The following FAT3 variants were observed in gnomAD, a reference collection of about 807,000 sequenced individuals.
The protein encoded by FAT3 is protocadherin Fat 3.
Under a neutral mutation model 310.2 loss-of-function variants are expected in FAT3, and 95 were observed. The ratio of observed to expected loss-of-function variants is 0.31; its 90% confidence interval spans 0.26 to 0.36. The LOEUF (loss-of-function observed/expected upper bound fraction) is 0.36. FAT3 is among the 10% of genes least tolerant of loss of function. FAT3 has a pLI of 1.00. For missense variants in FAT3, 5,408 were observed against 5,715.6 expected, an observed-to-expected ratio of 0.95 and a Z score of 1.74; for synonymous variants, 2,314 against 2,192.9, an observed-to-expected ratio of 1.06 and a Z score of -1.54.
chr11:92,586,368 G>C (rs1939158129), intron 3 of FAT3, among the ~76,000 whole-genome samples: 1 of 151,956 alleles, frequency 6.6e-6, no homozygotes, highest in Non-Finnish European at 1.5e-5. Flanking sequence ...GAAAGTCAAA[G>C]AGGACTGAAG....
chr11:92,697,220 T>C (rs2065240589), intron 3 of FAT3, among the ~76,000 whole-genome samples, 164 bp from the exon 4 acceptor site: 1 of 152,220 alleles, frequency 6.6e-6, no homozygotes, highest in South Asian at 2.1e-4. Context: ...AAATTTTACT[T>C]TCTTTTAAGA....
chr11:92,588,475 C>T (rs1229615851), intron 3 of FAT3, among the ~76,000 whole-genome samples: 2 of 151,964 alleles, frequency 1.3e-5, no homozygotes, highest in South Asian at 4.1e-4. Flanking sequence ...GATTTTACTT[C>T]TTGAGTGATT....
At chr11:92,603,826 C>T (rs932466836) in intron 3 of FAT3, among the ~76,000 whole-genome samples, 6 of 152,166 alleles carry the variant, frequency 3.9e-5, no homozygotes, top group Non-Finnish European at 5.9e-5. Flanking sequence ...TTTTAAAATA[C>T]GTTCTTCTTC....
At chr11:92,255,362 A>C (rs1288748062) in intron 1 of FAT3, among the ~76,000 whole-genome samples, 2 of 150,724 alleles carry the variant, frequency 1.3e-5, no homozygotes, top group Admixed American at 6.6e-5. Flanking sequence ...AAAAGGAAAA[A>C]CTCTCAGTAG....
At chr11:92,285,669 GA>G (rs1311646261) in intron 1 of FAT3, among the ~76,000 whole-genome samples, 5 of 152,074 alleles carry the variant, frequency 3.3e-5, no homozygotes, top group African/African-American at 1.2e-4. Context: ...TTATGCTTAG[GA>G]AAAAACAGTT....
intron 9 of FAT3, among the ~76,000 whole-genome samples, chr11:92,796,768 C>T (rs1947185245): frequency 3.3e-5 from 5 of 152,214 alleles, no homozygotes; most frequent in Admixed American, 3.3e-4. Context: ...TCTGTCACCA[C>T]CTACCTTCTT....
intron 2 of FAT3, among the ~76,000 whole-genome samples, chr11:92,439,000 T>C (rs1474711983): frequency 6.6e-6 from 1 of 152,228 alleles, no homozygotes; most frequent in African/African-American, 2.4e-5. Context: ...ACAGATCTGG[T>C]TAAGGTTACA....
chr11:92,275,337 T>C (rs1319218758), intron 1 of FAT3, among the ~76,000 whole-genome samples: 1 of 152,104 alleles, frequency 6.6e-6, no homozygotes, highest in Non-Finnish European at 1.5e-5. Context: ...ACCTTTACCA[T>C]ATGAAATCCA....
intron 4 of FAT3, among the ~76,000 whole-genome samples, chr11:92,727,302 A>G (rs1247809865): frequency 6.6e-6 from 1 of 152,192 alleles, no homozygotes; most frequent in Non-Finnish European, 1.5e-5. Flanking sequence ...AAGTGCCAAG[A>G]GTCACTAGTT....
chr11:92,803,161 C>T (rs1326878841), intron 10 of FAT3, among the ~76,000 whole-genome samples: 2 of 151,964 alleles, frequency 1.3e-5, no homozygotes, highest in African/African-American at 4.8e-5. Flanking sequence ...TCTGAAGGGT[C>T]CTTTTCTATT....
intron 12 of FAT3, among the ~76,000 whole-genome samples, chr11:92,809,305 G>A (rs536046772): frequency 2.2e-4 from 34 of 152,284 alleles, no homozygotes; most frequent in Non-Finnish European, 4.3e-4. Flanking sequence ...CACAATAGGG[G>A]TCCTTCAAGA....
intron 2 of FAT3, among the ~76,000 whole-genome samples, chr11:92,444,969 A>G (rs1021233407): frequency 6.6e-6 from 1 of 152,186 alleles, no homozygotes; most frequent in African/African-American, 2.4e-5. Flanking sequence ...AAATGTGACT[A>G]TATTTGGAGA....
At chr11:92,599,219 C>T (rs1335935350) in intron 3 of FAT3, among the ~76,000 whole-genome samples, 1 of 152,302 alleles carries the variant, frequency 6.6e-6, no homozygotes, top group East Asian at 1.9e-4. Context: ...TTAATTGACT[C>T]ACAGTTTTGC....
chr11:92,819,461 C>G (rs1361916496), intron 13 of FAT3, among the ~76,000 whole-genome samples: 1 of 152,144 alleles, frequency 6.6e-6, no homozygotes, highest in Non-Finnish European at 1.5e-5. Context: ...AGACTAGTTC[C>G]CAGGTGATGT....
At position 92,376,611 on chromosome 11, in the gene FAT3, G is replaced by A. The variant is rs570710895; in HGVS notation, c.3292+21207G>A. ...CATGGGATTCTTAATAAAGATGTTG[G>A]AACCAGCAGTCCTGCTGTGTTTCAG... On this transcript the variant is annotated intron_variant, in intron 2 of 27. Transcript: ENST00000525166. 6.6e-5 allele frequency among the ~76,000 whole-genome samples: 10 copies of A among 152,272 alleles called. No homozygotes were observed. The South Asian group carries it at 1.5e-3, about 22-fold the overall frequency.
At chr11:92,769,655 G>A (rs531276604) in intron 6 of FAT3, among the ~76,000 whole-genome samples, 1 of 152,170 alleles carries the variant, frequency 6.6e-6, no homozygotes, top group Non-Finnish European at 1.5e-5. Flanking sequence ...TTTGTAAATA[G>A]TAAGCACCTA....
chr11:92,749,337 G>C (rs1945763738), intron 4 of FAT3, among the ~76,000 whole-genome samples: 1 of 151,816 alleles, frequency 6.6e-6, no homozygotes, highest in Admixed American at 6.6e-5. Context: ...CACACACATA[G>C]ATGACAATTT....
chr11:92,798,215 A>G lies in FAT3; in HGVS notation c.5202A>G (p.Thr1734=). Residue 1734 remains threonine, a synonymous_variant, in exon 10 of 28, where the codon ACA becomes ACG. Transcript: ENST00000525166. ...AGAAGGCCCTGGATTATGAGCGCAC[A>G]TCCTCTTATCAACTCATCATTCAGG... ...TTQKALDYER[T]SSYQLIIQAT... 1.2e-6 allele frequency: 2 copies of G among 1,613,966 alleles called. No individual in the cohort carries two copies. The highest frequency in any genetic ancestry group is 1.7e-6 in the Non-Finnish European group (2 of 1,179,858).
intron 1 of FAT3, among the ~76,000 whole-genome samples, chr11:92,231,245 T>A (rs1864169622): frequency 1.3e-5 from 2 of 152,148 alleles, no homozygotes. Flanking sequence ...GTTAACTTTG[T>A]CACAGAACAC....
Sources: allele counts gnomAD v4.1 joint callset (sites outside exome capture counted in the v4.1 genomes callset), GRCh38; gene constraint gnomAD v4.1.1; transcripts MANE v1.5; gene names NCBI Gene and HGNC (gene_info 2026-07-23, HGNC 2026-07-21).